Variants in STXBP4 observed in about 807,000 individuals in gnomAD.
STXBP4 encodes syntaxin binding protein 4, also known as syntaxin-binding protein 4.
STXBP4 carries 55 observed loss-of-function variants against 76.1 expected under a neutral mutation model. The ratio of observed to expected loss-of-function variants is 0.72; its 90% CI spans 0.58 to 0.91. STXBP4 has a LOEUF of 0.91. STXBP4 is among the 40% of genes least tolerant of loss of function. The pLI is 0.00. For synonymous variants in STXBP4, 201 were observed against 220.2 expected (o/e 0.91, Z 0.77); for missense variants, 618 against 636.9 (o/e 0.97, Z 0.32).
intron 10 of STXBP4, among the ~76,000 whole-genome samples, chr17:55,035,961 A>G (rs2078594902): frequency 6.6e-6 from 1 of 152,084 alleles, no homozygotes; most frequent in Non-Finnish European, 1.5e-5. Context: ...GAATGGCTCA[A>G]TTGAGCTAAT....
chr17:55,121,131 C>T (rs1222795942), intron 16 of STXBP4, among the ~76,000 whole-genome samples: 1 of 152,068 alleles, frequency 6.6e-6, no homozygotes, highest in Non-Finnish European at 1.5e-5. Context: ...TCAGTACCCT[C>T]AAAGAGCTAG....
intron 16 of STXBP4, among the ~76,000 whole-genome samples, chr17:55,117,518 C>A (rs887078594): frequency 4.0e-5 from 6 of 151,402 alleles, no homozygotes; most frequent in Non-Finnish European, 7.4e-5. Flanking sequence ...AACACCCTGA[C>A]TTTGACTAAA....
chr17:55,017,292 T>C (rs1023213213), intron 8 of STXBP4, among the ~76,000 whole-genome samples: 1 of 152,048 alleles, frequency 6.6e-6, no homozygotes, highest in Non-Finnish European at 1.5e-5. Flanking sequence ...TCTTAGCCAT[T>C]TACAAACTTG....
At chr17:55,201,806 C>T in the STXBP4 span, among the ~76,000 whole-genome samples, 3 of 152,312 alleles carry the variant, frequency 2.0e-5, no homozygotes, top group South Asian at 6.2e-4. Context: ...CTATGCTCCA[C>T]GAGCAAGAAC....
At chr17:55,107,736 A>G (rs947493582) in intron 16 of STXBP4, among the ~76,000 whole-genome samples, 1 of 152,136 alleles carries the variant, frequency 6.6e-6, no homozygotes, top group African/African-American at 2.4e-5. Context: ...TTGCCTGGGT[A>G]TCACCAGCGG....
chr17:54,979,392 C>G (rs559795107), intron 1 of STXBP4, among the ~76,000 whole-genome samples: 17 of 152,272 alleles, frequency 1.1e-4, no homozygotes, highest in African/African-American at 2.9e-4. Flanking sequence ...ATTGCTCTAT[C>G]AGGAATCTGG....
intron 16 of STXBP4, among the ~76,000 whole-genome samples, chr17:55,116,238 T>C (rs1246429887): frequency 6.6e-6 from 1 of 151,878 alleles, no homozygotes; most frequent in African/African-American, 2.4e-5. Context: ...CATTTGGGAA[T>C]GTAACTTAAA....
At chr17:55,211,799 GTT>G in the STXBP4 span, among the ~76,000 whole-genome samples, 74 of 48,994 alleles carry the variant, frequency 1.5e-3, no homozygotes, top group African/African-American at 3.6e-3. Flanking sequence ...GTTTTTTGTT[GTT>G]TTTTTTTTTT....
chr17:55,206,251 C>T, the STXBP4 span, among the ~76,000 whole-genome samples: 1 of 151,926 alleles, frequency 6.6e-6, no homozygotes, highest in Non-Finnish European at 1.5e-5. Flanking sequence ...AGAGCTGAAC[C>T]CAGTAACCAA....
chr17:55,083,607 G>A (rs1051255726), intron 16 of STXBP4, among the ~76,000 whole-genome samples: 19 of 152,264 alleles, frequency 1.2e-4, no homozygotes, highest in African/African-American at 4.1e-4. Context: ...GCACTCTCAC[G>A]TGGTTGCAGT....
intron 8 of STXBP4, among the ~76,000 whole-genome samples, chr17:55,014,010 T>C (rs958421725): frequency 1.3e-5 from 2 of 152,186 alleles, no homozygotes; most frequent in South Asian, 2.1e-4. Flanking sequence ...AACGGCCTCA[T>C]TGATAATCCT....
At chr17:55,085,645 C>T (rs2079316247) in intron 16 of STXBP4, among the ~76,000 whole-genome samples, 1 of 151,912 alleles carries the variant, frequency 6.6e-6, no homozygotes, top group Non-Finnish European at 1.5e-5. Flanking sequence ...TGTAAAGTTC[C>T]ATGTTAATTA....
intron 9 of STXBP4, among the ~76,000 whole-genome samples, chr17:55,033,642 G>A (rs1205472255): frequency 1.3e-5 from 2 of 152,130 alleles, no homozygotes; most frequent in Admixed American, 6.6e-5. Flanking sequence ...TTGCCACGTG[G>A]CCTTGGACAG....
At chr17:55,086,729 A>G (rs2079337429) in intron 16 of STXBP4, among the ~76,000 whole-genome samples, 1 of 152,182 alleles carries the variant, frequency 6.6e-6, no homozygotes, top group Admixed American at 6.6e-5. Context: ...TGCAATACAC[A>G]TGGCAGGATG....
intron 8 of STXBP4, among the ~76,000 whole-genome samples, chr17:55,026,574 C>A (rs533103500): frequency 3.5e-4 from 54 of 152,192 alleles, no homozygotes; most frequent in Non-Finnish European, 6.8e-4. Flanking sequence ...GGTAGAGATA[C>A]ACACCCCAAC....
Position 55,041,069 on chromosome 17 carries a change from G to A in STXBP4, c.856-2167G>A, listed in dbSNP as rs149016636. ...AAACGTTTTTTTAAGTCATGGTTCT[G>A]TGACTATTTTGCCTCTCAAAATAGT... On this transcript the variant is annotated intron_variant, in intron 10 of 17. Coordinates refer to ENST00000376352, the MANE Select transcript of STXBP4 (RefSeq NM_178509.6). 3.2e-3 allele frequency among the ~76,000 whole-genome samples: 481 copies of A among 152,074 alleles called. 12 individuals are homozygous for A. Among genetic ancestry groups the A allele is most frequent in the East Asian group, 0.025 (130 of 5,172 alleles).
intron 12 of STXBP4, among the ~76,000 whole-genome samples, chr17:55,048,914 A>G (rs1047952443): frequency 6.6e-5 from 10 of 152,108 alleles, no homozygotes; most frequent in African/African-American, 1.9e-4. Context: ...TAATATAGGT[A>G]CTGGGGAAAT....
intron 17 of STXBP4, among the ~76,000 whole-genome samples, chr17:55,153,218 T>G (rs2080235592): frequency 6.6e-6 from 1 of 152,226 alleles, no homozygotes; most frequent in South Asian, 2.1e-4. Context: ...CAAGTCTAAG[T>G]TGGCACTATT....
At chr17:55,020,924 C>T (rs773167832) in intron 8 of STXBP4, among the ~76,000 whole-genome samples, 7 of 152,082 alleles carry the variant, frequency 4.6e-5, no homozygotes, top group Non-Finnish European at 7.4e-5. Context: ...AAAAGATTTA[C>T]ATATGTATGT....
Sources: allele counts gnomAD v4.1 joint callset (sites outside exome capture counted in the v4.1 genomes callset), GRCh38; gene constraint gnomAD v4.1.1; transcripts MANE v1.5; gene names NCBI Gene and HGNC (gene_info 2026-07-23, HGNC 2026-07-21).